SNX30: variants seen among roughly 807,000 people sequenced by gnomAD.
The protein encoded by SNX30 is sorting nexin-30.
A neutral mutation model predicts 46.4 loss-of-function variants in SNX30; 24 were observed. That is an observed-to-expected ratio of 0.52 (90% CI 0.37 to 0.73). The LOEUF (loss-of-function observed/expected upper bound fraction) is 0.73. Ranked by LOEUF, SNX30 falls within the 30% of genes least tolerant of loss-of-function variation. SNX30 has a pLI of 0.00. For missense variants in SNX30, 533 were observed against 555.7 expected, an observed-to-expected ratio of 0.96 and a Z score of 0.41; for synonymous variants, 189 against 211.5, an observed-to-expected ratio of 0.89 and a Z score of 0.92.
intron 7 of SNX30, among the ~76,000 whole-genome samples, chr9:112,851,177 T>C (rs528908642): frequency 6.6e-6 from 1 of 152,374 alleles, no homozygotes; most frequent in Non-Finnish European, 1.5e-5. Context: ...TTTTAAAGAC[T>C]TAACAGCTCT....
chr9:112,819,266 C>CTTTTTTTTTTTTTT (rs35138610), intron 3 of SNX30, among the ~76,000 whole-genome samples: 1 of 117,026 alleles, frequency 8.5e-6, no homozygotes, highest in Non-Finnish European at 1.7e-5. Context: ...TTCTTTCTTT[C>CTTTTTTTTTTTTTT]TTTTTTTTTT....
chr9:112,841,013 C>A (rs574081792), intron 6 of SNX30, among the ~76,000 whole-genome samples: 6 of 152,154 alleles, frequency 3.9e-5, no homozygotes, highest in Non-Finnish European at 8.8e-5. Context: ...CCGCCCGCCT[C>A]GGCCTCCCAA....
intron 6 of SNX30, among the ~76,000 whole-genome samples, chr9:112,848,601 A>G (rs1840975488): frequency 1.3e-5 from 2 of 152,118 alleles, no homozygotes; most frequent in Admixed American, 6.5e-5. Context: ...ATGCGCGTTC[A>G]CTCTGCAGGG....
chr9:112,812,656 T>TA (rs1480373710), intron 2 of SNX30, among the ~76,000 whole-genome samples: 1 of 152,186 alleles, frequency 6.6e-6, no homozygotes, highest in African/African-American at 2.4e-5. Context: ...AAGGAGCTTT[T>TA]AAAAAATGAG....
chr9:112,822,446 C>T (rs1840515271), intron 3 of SNX30, among the ~76,000 whole-genome samples: 1 of 151,304 alleles, frequency 6.6e-6, no homozygotes, highest in Admixed American at 6.6e-5. Context: ...ATTCGATAGG[C>T]TTGTATGTAC....
At chr9:112,790,001 G>T (rs1488509338) in intron 1 of SNX30, among the ~76,000 whole-genome samples, 1 of 152,156 alleles carries the variant, frequency 6.6e-6, no homozygotes, top group Non-Finnish European at 1.5e-5. Flanking sequence ...ACTGTTCAGG[G>T]GGGATACTAA....
intron 1 of SNX30, among the ~76,000 whole-genome samples, chr9:112,751,968 A>G (rs1018035698): frequency 6.6e-6 from 1 of 152,032 alleles, no homozygotes; most frequent in African/African-American, 2.4e-5. Context: ...TGTGAAGGAG[A>G]CTTGAGCAGT....
intron 3 of SNX30, among the ~76,000 whole-genome samples, 153 bp downstream of exon 3, chr9:112,817,968 ATTAGGTT>A (rs982491715): frequency 2.0e-5 from 3 of 152,176 alleles, no homozygotes; most frequent in Non-Finnish European, 4.4e-5. Flanking sequence ...TACTTCACCT[ATTAGGTT>A]TTAGTTTCTG....
chr9:112,770,719 C>T (rs143157642), intron 1 of SNX30, among the ~76,000 whole-genome samples: 9 of 150,812 alleles, frequency 6.0e-5, no homozygotes, highest in East Asian at 2.1e-4. Flanking sequence ...AGCCCCTGGC[C>T]GGGCGCGGTG....
intron 3 of SNX30, among the ~76,000 whole-genome samples, chr9:112,820,758 C>T (rs1840479898): frequency 6.6e-6 from 1 of 152,158 alleles, no homozygotes; most frequent in Non-Finnish European, 1.5e-5. Flanking sequence ...CTATTCTGGA[C>T]ATTTCATGTA....
chr9:112,876,931 CAAAA>C (rs67151355), downstream of SNX30, among the ~76,000 whole-genome samples: 6 of 135,486 alleles, frequency 4.4e-5, no homozygotes, highest in East Asian at 1.3e-3. Flanking sequence ...GTAAGACTGT[CAAAA>C]AAAAAAAAAA....
intron 1 of SNX30, among the ~76,000 whole-genome samples, chr9:112,761,842 C>A (rs576332303): frequency 6.6e-6 from 1 of 152,146 alleles, no homozygotes; most frequent in Non-Finnish European, 1.5e-5. Flanking sequence ...CCAGGAAGCT[C>A]TTTTTTATTA....
chr9:112,751,457 G>C (rs1410238952), intron 1 of SNX30, among the ~76,000 whole-genome samples: 1 of 152,236 alleles, frequency 6.6e-6, no homozygotes, highest in African/African-American at 2.4e-5. Flanking sequence ...CAGGGCGCCT[G>C]TGTCCTCGGA....
At chr9:112,770,726 G>A (rs530196638) in intron 1 of SNX30, among the ~76,000 whole-genome samples, 18 of 152,116 alleles carry the variant, frequency 1.2e-4, no homozygotes, top group African/African-American at 4.3e-4. Context: ...GGCCGGGCGC[G>A]GTGGCTCACG....
chr9:112,848,934 G>A (rs1383656251), intron 6 of SNX30, among the ~76,000 whole-genome samples: 3 of 152,206 alleles, frequency 2.0e-5, no homozygotes, highest in South Asian at 2.1e-4. Flanking sequence ...GAGCCCCCAC[G>A]CTGTGCTGGC....
chr9:112,860,055 C>T (rs1841203079), intron 7 of SNX30, among the ~76,000 whole-genome samples: 1 of 152,170 alleles, frequency 6.6e-6, no homozygotes, highest in African/African-American at 2.4e-5. Context: ...AAGCAATTCT[C>T]CTGCCTCAGC....
rs1840028528 is a variant in SNX30, at chr9:112,791,762, G to A, written c.157-13014G>A. ...ACTTAGAGATTTAAATGGAATGGCTGATATGAGTGATGCCAGTAAATATTT... is the reference window on the plus strand; with the variant it reads ...ACTTAGAGATTTAAATGGAATGGCTAATATGAGTGATGCCAGTAAATATTT... On this transcript the variant is annotated intron_variant, in intron 1 of 8. Transcript: ENST00000374232. Among the ~76,000 whole-genome samples the A allele has an allele frequency of 2.0e-5, 3 of 152,128 alleles. No homozygotes were observed. In the South Asian group the frequency reaches 6.2e-4, roughly 32 times the overall value.
In SNX30 at chr9:112,767,254, A is replaced by G. The variant is rs76197956; in HGVS notation, c.156+16097A>G. On this transcript the variant is annotated intron_variant, in intron 1 of 8. Coordinates refer to ENST00000374232, the MANE Select transcript of SNX30 (RefSeq NM_001012994.2). ...GGCCATTTATATGTCATCTTTGGAG[A>G]AGTGTCCATTCAAGTCCCCTGCCCA... 4.5e-4 allele frequency among the ~76,000 whole-genome samples: 69 copies of G among 151,910 alleles called. No individual in the cohort carries two copies. In the East Asian group the frequency reaches 0.013, roughly 29 times the overall value.
Position 112,864,250 on chromosome 9 carries a change from C to T in SNX30, c.1105C>T (p.Pro369Ser). ...CATGTGTGCCTCCCTTTTCCAGGTA[C>T]CGGCGGACGTCGAGAAATGTCAGGA... The part of the protein sequence containing the change: ...ALRKEDRPKV[P>S]ADVEKCQDRM... The change falls in exon 8 of 9, where the codon CCG (proline) becomes TCG (serine). Residue 369 changes from proline to serine, a missense_variant. By Grantham distance (74) the Pro-to-Ser change is moderately conservative (BLOSUM62 -1). This residue lies in a region of SNX30 where 261 missense variants were observed against 270.9 expected (regional missense o/e 0.96). Coordinates refer to ENST00000374232, the MANE Select transcript of SNX30 (RefSeq NM_001012994.2). The T allele has an allele frequency of 5.6e-6, 9 of 1,613,828 alleles. No individual in the cohort carries two copies. The highest frequency in any genetic ancestry group is 6.8e-6 in the Non-Finnish European group (8 of 1,179,928).
Sources: allele counts gnomAD v4.1 joint callset (sites outside exome capture counted in the v4.1 genomes callset), GRCh38; gene constraint gnomAD v4.1.1; regional missense constraint gnomAD v4.1.1; transcripts MANE v1.5; gene names NCBI Gene and HGNC (gene_info 2026-07-23, HGNC 2026-07-21).